SPICE1: variants seen among roughly 807,000 people sequenced by gnomAD.
SPICE1 encodes spindle and centriole-associated protein 1.
Under a neutral mutation model 102.7 loss-of-function variants are expected in SPICE1, and 75 were observed. The observed-to-expected ratio is 0.73, with a 90% CI of 0.61 to 0.88. The LOEUF (loss-of-function observed/expected upper bound fraction) is 0.88. SPICE1 is among the 40% of genes least tolerant of loss of function. SPICE1 has a pLI of 0.00. For synonymous variants in SPICE1, 308 were observed against 350.3 expected, an observed-to-expected ratio of 0.88 and a Z score of 1.35; for missense variants, 979 against 1,020.1, an observed-to-expected ratio of 0.96 and a Z score of 0.55.
At chr3:113,492,072 G>GTTGAACATACTA (rs1936779962) in intron 6 of SPICE1, among the ~76,000 whole-genome samples, 3 of 152,146 alleles carry the variant, frequency 2.0e-5, no homozygotes, top group Non-Finnish European at 2.9e-5. Context: ...AAAATCTTCA[G>GTTGAACATACTA]TTGAACATAC....
chr3:113,511,066 T>C (rs926202499), intron 1 of SPICE1, among the ~76,000 whole-genome samples: 6 of 152,152 alleles, frequency 3.9e-5, no homozygotes, highest in Non-Finnish European at 7.3e-5. Flanking sequence ...TGAGATACCA[T>C]CTCATGCCAG....
intron 2 of SPICE1, among the ~76,000 whole-genome samples, chr3:113,504,794 G>A (rs1937077193): frequency 6.6e-6 from 1 of 151,950 alleles, no homozygotes; most frequent in African/African-American, 2.4e-5. Context: ...TAATCTACAA[G>A]CCATTTCAGA....
At position 113,480,032 on chromosome 3, in the gene SPICE1, TGAG is replaced by T. The variant is rs557801770; in HGVS notation, c.611+8910_611+8912del. On this transcript the variant is annotated intron_variant, in intron 7 of 17. Coordinates refer to ENST00000295872, the MANE Select transcript of SPICE1 (RefSeq NM_144718.4). ...AAGAAAGAGAACCAAAATAAATGAT[TGAG>T]GAGAACAAGTAAGCACTGAAACAAA... Among the ~76,000 whole-genome samples, 21 of 152,102 alleles carry T rather than the reference TGAG, an allele frequency of 1.4e-4. No homozygotes were observed. The East Asian group carries it at 3.9e-3, about 28-fold the overall frequency.
At chr3:113,483,838 C>CT (rs1323430925) in intron 7 of SPICE1, among the ~76,000 whole-genome samples, 3 of 152,020 alleles carry the variant, frequency 2.0e-5, no homozygotes, top group African/African-American at 7.2e-5. Flanking sequence ...CTGAAATTTT[C>CT]TTTTTTTGTT....
At chr3:113,499,653 T>A in intron 3 of SPICE1, 71 bp from the exon 4 acceptor site, 1 of 1,407,534 alleles carries the variant, frequency 7.1e-7, no homozygotes, top group Non-Finnish European at 9.4e-7. Flanking sequence ...GATGATGAGA[T>A]CACCTACTCT....
chr3:113,443,492 A>G lies in SPICE1; in HGVS notation c.*1815T>C, dbSNP rs564237425. 18 of 152,308 alleles carry G rather than the reference A, an allele frequency of 1.2e-4. No individual in the cohort carries two copies. The East Asian group carries it at 1.7e-3, about 15-fold the overall frequency. 9.4% of individuals were successfully genotyped at this position (152,308 alleles called of 1,614,324 possible). A position where few individuals can be genotyped will look rare whatever the true frequency, so the allele number is the denominator to read the frequency against. On this transcript the variant is annotated 3_prime_UTR_variant, in exon 18 of 18. Transcript: ENST00000295872. ...TCATCTGTAAAGGTGCTGGGAGAGG[A>G]GGAAGCATTTACATACCTCTAACTG...
At chr3:113,496,619 C>T (rs921932123) in intron 4 of SPICE1, among the ~76,000 whole-genome samples, 1 of 152,174 alleles carries the variant, frequency 6.6e-6, no homozygotes, top group African/African-American at 2.4e-5. Context: ...GTACATCTTA[C>T]AGCAAATGAA....
Position 113,469,172 on chromosome 3 carries a change from C to T in SPICE1, c.678G>A (p.Gln226=). 1 of 1,613,370 alleles carries T rather than the reference C, an allele frequency of 6.2e-7. No homozygotes were observed. Among genetic ancestry groups the T allele is most frequent in the Non-Finnish European group, 8.5e-7 (1 of 1,179,672 alleles). ...LISKLWTDIQ[Q]KIATQSQITP... ...TTATTTGTGACTGGGTTGCTATTTT[C>T]TGCTGAATGTCAGTCCACAACTTAC... is the stretch of plus-strand genomic sequence containing the variant. Residue 226 remains glutamine (Q), a synonymous_variant, in exon 8 of 18, where the codon CAG becomes CAA. Transcript: ENST00000295872.
At chr3:113,459,638 C>G in intron 12 of SPICE1, 1 of 961,394 alleles carries the variant, frequency 1.0e-6, no homozygotes, top group Non-Finnish European at 1.2e-6. Context: ...AATCCCAACA[C>G]TTTGGGAGGC....
intron 7 of SPICE1, among the ~76,000 whole-genome samples, chr3:113,476,432 T>C (rs1294943153): frequency 6.7e-6 from 1 of 150,288 alleles, no homozygotes; most frequent in Admixed American, 6.6e-5. Context: ...TGGAAAAAAC[T>C]ACTTTAAAGT....
At position 113,448,139 on chromosome 3, in the gene SPICE1, T is replaced by C. The variant is rs1935561219; in HGVS notation, c.2325A>G (p.Glu775=). Residue 775 remains glutamate (E), a splice_region_variant and synonymous_variant, in exon 16 of 18, where the codon GAA becomes GAG. Transcript: ENST00000295872. The part of the protein sequence containing the change: ...PVQLPLRAWT[E]GAKRTIEVSI... Reference sequence around the variant, plus strand: ...ATACCTCAATTGTCCTCTTTGCTCCTTCTAAAATATAAAAATAAATATTAG... The same window carrying C: ...ATACCTCAATTGTCCTCTTTGCTCCCTCTAAAATATAAAAATAAATATTAG... 8 of 1,589,358 alleles carry C rather than the reference T, an allele frequency of 5.0e-6. No individual in the cohort carries two copies. The East Asian group carries it at 1.8e-4, about 36-fold the overall frequency.
chr3:113,453,929 G>C lies in SPICE1; in HGVS notation c.1679C>G (p.Thr560Ser). ...TGGAGGAAGTCGTGGAGCAGGACGA[G>C]TTTGAACAGTCCTTCTCAATACTAT... Reference protein sequence around the residue: ...LQDVLRRTVQTRPAPRLPPTV... With the variant: ...LQDVLRRTVQSRPAPRLPPTV... The change falls in exon 14 of 18, where the codon ACT becomes AGT. Residue 560 changes from threonine (T) to serine (S), a missense_variant. By Grantham distance (58) the Thr-to-Ser change is moderately conservative. Transcript: ENST00000295872. 1.9e-6 allele frequency: 3 copies of C among 1,613,166 alleles called. No homozygotes were observed. Among genetic ancestry groups the C allele is most frequent in the Non-Finnish European group, 2.5e-6 (3 of 1,179,446 alleles).
intron 7 of SPICE1, among the ~76,000 whole-genome samples, chr3:113,484,399 G>C (rs1171878179): frequency 6.6e-6 from 1 of 151,916 alleles, no homozygotes; most frequent in Non-Finnish European, 1.5e-5. Context: ...TTTGATCTTA[G>C]TTATTTCTTG....
chr3:113,473,820 C>T (rs556331942), intron 7 of SPICE1, among the ~76,000 whole-genome samples: 207 of 151,878 alleles, frequency 1.4e-3, no homozygotes, highest in East Asian at 8.9e-3. Context: ...CGGTACCAGC[C>T]GCTGCAAAAT....
In SPICE1 at chr3:113,457,307, C is replaced by T. The variant is rs112812257; in HGVS notation, c.1486G>A (p.Glu496Lys). Residue 496 changes from glutamate to lysine, a missense_variant, in exon 13 of 18, where the codon GAA (glutamate) becomes AAA (lysine). Coordinates refer to ENST00000295872, the MANE Select transcript of SPICE1 (RefSeq NM_144718.4). ...NVSVPLMFRE[E>K]VAEFPQEELP... ...TCTTCCTGTGGGAATTCAGCCACTTCCTCTCTGAACATCAATGGCACTGAG... is the reference window on the plus strand; with the variant it reads ...TCTTCCTGTGGGAATTCAGCCACTTTCTCTCTGAACATCAATGGCACTGAG... 1.2e-5 allele frequency: 20 copies of T among 1,614,204 alleles called. No individual in the cohort carries two copies. The African/African-American group carries it at 1.3e-4, about 11-fold the overall frequency.
At position 113,493,210 on chromosome 3, in the gene SPICE1, G is replaced by A. The variant is rs1485574273; in HGVS notation, c.488C>T (p.Pro163Leu). ...QSIFNESVIE[P>L]QALNDVDGEE... is the part of the protein sequence containing the mutation. ...GCTGTGAGTGGAACACATTACCTGA[G>A]GTTCTATGACAGACTCATTAAAGAT... is the stretch of plus-strand genomic sequence containing the variant. The change falls in exon 6 of 18, where the codon CCT becomes CTT. Residue 163 changes from proline (P) to leucine (L), a missense_variant. Transcript: ENST00000295872. 1.9e-5 allele frequency: 31 copies of A among 1,592,724 alleles called. No individual in the cohort carries two copies. The highest frequency in any genetic ancestry group is 2.6e-5 in the Non-Finnish European group (30 of 1,170,344).
intron 11 of SPICE1, among the ~76,000 whole-genome samples, chr3:113,462,457 C>A (rs535861761): frequency 2.0e-5 from 3 of 152,300 alleles, no homozygotes; most frequent in Admixed American, 6.5e-5. Flanking sequence ...GATGTCAAAT[C>A]TTCTCATGGC....
intron 4 of SPICE1, among the ~76,000 whole-genome samples, chr3:113,495,479 T>A (rs1271192493): frequency 6.6e-6 from 1 of 152,216 alleles, no homozygotes; most frequent in African/African-American, 2.4e-5. Flanking sequence ...AATTTATTCC[T>A]TCTACAAAGA....
intron 15 of SPICE1, chr3:113,449,120 T>A (rs898420022): frequency 6.6e-6 from 1 of 152,208 alleles, no homozygotes; most frequent in African/African-American, 2.4e-5. Context: ...ATTTTAACCA[T>A]ACACAAATAC....
Sources: allele counts gnomAD v4.1 joint callset (sites outside exome capture counted in the v4.1 genomes callset), GRCh38; gene constraint gnomAD v4.1.1; transcripts MANE v1.5; gene names NCBI Gene and HGNC (gene_info 2026-07-23, HGNC 2026-07-21).